KCND2: variants seen among roughly 807,000 people sequenced by gnomAD.
The protein encoded by KCND2 is A-type voltage-gated potassium channel KCND2.
KCND2 carries 16 observed loss-of-function variants against 54.4 expected under a neutral mutation model. The ratio of observed to expected loss-of-function variants is 0.29; its 90% confidence interval spans 0.20 to 0.45. KCND2 has a LOEUF of 0.45. Ranked by LOEUF, KCND2 falls within the 20% of genes least tolerant of loss-of-function variation. The pLI, the probability that KCND2 is intolerant of heterozygous loss-of-function variation, is 1.00. For missense variants in KCND2, 486 were observed against 824.2 expected (o/e 0.59, Z 5.02); for synonymous variants, 317 against 310.7 (o/e 1.02, Z -0.21).
At chr7:120,279,311 A>C (rs570981428) in intron 1 of KCND2, among the ~76,000 whole-genome samples, 9 of 151,954 alleles carry the variant, frequency 5.9e-5, no homozygotes, top group Non-Finnish European at 1.0e-4. Context: ...AAATATTTGC[A>C]TTCTTGGTCT....
intron 1 of KCND2, among the ~76,000 whole-genome samples, chr7:120,526,977 A>C (rs1392696325): frequency 6.6e-6 from 1 of 152,134 alleles, no homozygotes; most frequent in African/African-American, 2.4e-5. Context: ...AATCACAACA[A>C]TGGATCATTT....
intron 1 of KCND2, among the ~76,000 whole-genome samples, chr7:120,370,090 A>G (rs1800745064): frequency 6.6e-6 from 1 of 151,944 alleles, no homozygotes; most frequent in South Asian, 2.1e-4. Flanking sequence ...GTGGATAAAG[A>G]TGTGAAGAAG....
At chr7:120,402,053 AAAATGGTG>A (rs2116082843) in intron 1 of KCND2, among the ~76,000 whole-genome samples, 1 of 152,326 alleles carries the variant, frequency 6.6e-6, no homozygotes, top group African/African-American at 2.4e-5. Flanking sequence ...AAAGGGTGAC[AAAATGGTG>A]AATTGCTTTA....
chr7:120,521,381 GA>G (rs1457718961), intron 1 of KCND2, among the ~76,000 whole-genome samples: 1 of 151,810 alleles, frequency 6.6e-6, no homozygotes, highest in Non-Finnish European at 1.5e-5. Flanking sequence ...CTCTCATTCC[GA>G]AAATGCATCT....
intron 1 of KCND2, among the ~76,000 whole-genome samples, chr7:120,320,178 G>A (rs1329147590): frequency 3.3e-5 from 5 of 152,140 alleles, no homozygotes; most frequent in Non-Finnish European, 7.3e-5. Context: ...CAGAAATTGT[G>A]TAGGGAAGAC....
chr7:120,472,089 T>C (rs1802463024), intron 1 of KCND2, among the ~76,000 whole-genome samples: 1 of 151,878 alleles, frequency 6.6e-6, no homozygotes, highest in African/African-American at 2.4e-5. Context: ...ATTCCAACTA[T>C]ATAGTTTGGG....
intron 1 of KCND2, among the ~76,000 whole-genome samples, chr7:120,325,528 C>G (rs1799961593): frequency 6.6e-6 from 1 of 151,200 alleles, no homozygotes; most frequent in African/African-American, 2.4e-5. Flanking sequence ...TGAATTTTGT[C>G]AAAGGCCTTT....
At chr7:120,734,809 T>C (rs1792850312) in intron 2 of KCND2, among the ~76,000 whole-genome samples, 1 of 152,152 alleles carries the variant, frequency 6.6e-6, no homozygotes, top group African/African-American at 2.4e-5. Flanking sequence ...CTAGGTGATG[T>C]GTTATAACTA....
intron 1 of KCND2, among the ~76,000 whole-genome samples, chr7:120,543,632 TA>T (rs778708509): frequency 2.6e-5 from 4 of 152,036 alleles, no homozygotes; most frequent in Non-Finnish European, 4.4e-5. Flanking sequence ...TGGTACAAAT[TA>T]TGTCTAAACC....
At chr7:120,485,348 A>G (rs1802678348) in intron 1 of KCND2, among the ~76,000 whole-genome samples, 1 of 152,218 alleles carries the variant, frequency 6.6e-6, no homozygotes, top group Non-Finnish European at 1.5e-5. Context: ...CCCAGAGTTA[A>G]TTATCCTGGA....
chr7:120,542,357 G>C (rs1791989214), intron 1 of KCND2, among the ~76,000 whole-genome samples: 1 of 151,976 alleles, frequency 6.6e-6, no homozygotes, highest in Non-Finnish European at 1.5e-5. Context: ...CTATTCATCT[G>C]GCTCATTTTT....
intron 1 of KCND2, among the ~76,000 whole-genome samples, chr7:120,512,680 G>A (rs549176467): frequency 9.7e-4 from 148 of 152,048 alleles, no homozygotes; most frequent in African/African-American, 3.3e-3. Context: ...TTGCATGTTA[G>A]GATCAATTAT....
At chr7:120,329,928 A>G (rs1405158439) in intron 1 of KCND2, among the ~76,000 whole-genome samples, 1 of 152,202 alleles carries the variant, frequency 6.6e-6, no homozygotes, top group Non-Finnish European at 1.5e-5. Context: ...TGACTTTAAA[A>G]GTAGCATACA....
chr7:120,477,982 C>A (rs1044223117), intron 1 of KCND2, among the ~76,000 whole-genome samples: 40 of 152,002 alleles, frequency 2.6e-4, no homozygotes, highest in African/African-American at 9.4e-4. Flanking sequence ...CTTCAAAATT[C>A]TTTGAATGGA....
intron 1 of KCND2, among the ~76,000 whole-genome samples, chr7:120,580,354 A>G (rs1350871027): frequency 1.3e-5 from 2 of 152,208 alleles, no homozygotes; most frequent in African/African-American, 4.8e-5. Context: ...GAAAAGGAGA[A>G]GGTGACATGG....
chr7:120,661,625 G>A (rs1791866991), intron 1 of KCND2, among the ~76,000 whole-genome samples: 1 of 150,930 alleles, frequency 6.6e-6, no homozygotes. Context: ...ACTCCAGCCT[G>A]GGTGACAGAG....
chr7:120,589,573 G>A (rs1208904303), intron 1 of KCND2, among the ~76,000 whole-genome samples: 1 of 152,252 alleles, frequency 6.6e-6, no homozygotes, highest in Admixed American at 6.5e-5. Context: ...GCAGCTGGCA[G>A]TAAAATAATT....
chr7:120,713,694 A>G (rs1792568753), intron 1 of KCND2, among the ~76,000 whole-genome samples: 1 of 152,206 alleles, frequency 6.6e-6, no homozygotes, highest in African/African-American at 2.4e-5. Flanking sequence ...ATCTTTTGCT[A>G]ATCTGCAATT....
intron 1 of KCND2, among the ~76,000 whole-genome samples, chr7:120,606,754 T>C (rs1477099812): frequency 6.6e-6 from 1 of 151,928 alleles, no homozygotes; most frequent in African/African-American, 2.4e-5. Context: ...AAAAGATAAA[T>C]ATATAATTTT....
Sources: gnomAD v4.1 joint callset for allele counts (sites outside exome capture counted in the v4.1 genomes callset) on GRCh38, gnomAD v4.1.1 for gene constraint, MANE v1.5 for transcripts, NCBI Gene and HGNC (gene_info 2026-07-23, HGNC 2026-07-21) for gene names.